The following UBXN7 variants were observed in gnomAD, a reference collection of about 807,000 sequenced individuals.
UBXN7 encodes UBX domain-containing protein 7.
Under a neutral mutation model 58.0 loss-of-function variants are expected in UBXN7, and 9 were observed. The ratio of observed to expected loss-of-function variants is 0.16; its 90% CI spans 0.09 to 0.27. The LOEUF is 0.27. UBXN7 is among the 10% of genes least tolerant of loss of function. The pLI is 1.00. For missense variants in UBXN7, 328 were observed against 599.6 expected (o/e 0.55, Z 4.73); for synonymous variants, 208 against 205.0 (o/e 1.01, Z -0.12).
chr3:196,400,770 C>T (rs1477118426), intron 3 of UBXN7: 1 of 343,832 alleles, frequency 2.9e-6, no homozygotes. Flanking sequence ...TAAAGTGGGG[C>T]TTCCAAATGG....
At position 196,407,397 on chromosome 3, in the gene UBXN7, A is replaced by T; in HGVS notation, c.74-4T>A. On this transcript the variant is annotated splice_polypyrimidine_tract_variant and splice_region_variant and intron_variant, in intron 1 of 10. Transcript: ENST00000296328. ...TTTCCTACACTTTCACTTGCACCTG[A>T]AACAGTAAAAAGACAGGAAAAACGT... 1.2e-6 allele frequency: 2 copies of T among 1,604,060 alleles called. No homozygotes were observed. Among genetic ancestry groups the T allele is most frequent in the South Asian group, 2.3e-5 (2 of 88,186 alleles).
intron 5 of UBXN7, among the ~76,000 whole-genome samples, chr3:196,374,101 C>A (rs1402949891): frequency 2.0e-5 from 3 of 152,054 alleles, no homozygotes; most frequent in Admixed American, 2.0e-4. Context: ...ACTACAGAAA[C>A]AGTATTTGAA....
At chr3:196,395,076 C>T (rs1157165769) in intron 3 of UBXN7, among the ~76,000 whole-genome samples, 2 of 151,946 alleles carry the variant, frequency 1.3e-5, no homozygotes, top group African/African-American at 4.8e-5. Flanking sequence ...TTTCATGATT[C>T]CCTCAATATG....
chr3:196,366,340 G>A (rs1276393707), intron 8 of UBXN7, among the ~76,000 whole-genome samples: 1 of 151,932 alleles, frequency 6.6e-6, no homozygotes, highest in African/African-American at 2.4e-5. Context: ...AACATATTGA[G>A]ACCCTGCCTC....
chr3:196,369,689 C>G (rs1728765615), intron 6 of UBXN7, among the ~76,000 whole-genome samples, 178 bp from the exon 7 acceptor site: 1 of 152,216 alleles, frequency 6.6e-6, no homozygotes, highest in Non-Finnish European at 1.5e-5. Flanking sequence ...CTTCCCACTT[C>G]CAGCACTCTC....
At position 196,356,098 on chromosome 3, in the gene UBXN7, A is replaced by G. The variant is rs1258340297; in HGVS notation, c.*587T>C. ...GAAAATCCTTTGAAAAAGGTTTTTA[A>G]GTATGATGAGCAATCATTACAAGGG... On this transcript the variant is annotated 3_prime_UTR_variant, in exon 11 of 11. Transcript: ENST00000296328. The G allele has an allele frequency of 1.3e-5, 2 of 152,692 alleles. No homozygotes were observed. The highest frequency in any genetic ancestry group is 2.9e-5 in the Non-Finnish European group (2 of 68,062). The allele number at this position is 152,692 out of a possible 1,614,324, so 9.5% of individuals were successfully genotyped here. A position where few individuals can be genotyped will look rare whatever the true frequency, so the allele number is the denominator to read the frequency against.
intron 1 of UBXN7, among the ~76,000 whole-genome samples, chr3:196,418,850 C>G (rs145919969): frequency 6.6e-6 from 1 of 152,168 alleles, no homozygotes; most frequent in Non-Finnish European, 1.5e-5. Context: ...CACTCAGGGT[C>G]CAGAGTTAGA....
chr3:196,393,832 C>A, intron 3 of UBXN7: 1 of 367,364 alleles, frequency 2.7e-6, no homozygotes, highest in Non-Finnish European at 5.1e-6. Flanking sequence ...TGTTTTAAAA[C>A]ACTCAAGATT....
Position 196,348,556 on chromosome 3 carries a change from C to G in UBXN7, c.*8129G>C, listed in dbSNP as rs144947223. The G allele has an allele frequency of 6.6e-6, 1 of 152,176 alleles. No homozygotes were observed. Among genetic ancestry groups the G allele is most frequent in the Admixed American group, 6.5e-5 (1 of 15,272 alleles). The allele number at this position is 152,176 out of a possible 1,614,324, so 9.4% of individuals were successfully genotyped here. On this transcript the variant is annotated 3_prime_UTR_variant, in exon 11 of 11. Transcript: ENST00000296328. Reference sequence around the variant, plus strand: ...ACTTTGTCCAGAATAAGTTGAGCCACAAACATCCCAGGGAATCTCTAAATA... The same window carrying G: ...ACTTTGTCCAGAATAAGTTGAGCCAGAAACATCCCAGGGAATCTCTAAATA...
At chr3:196,424,014 C>A (rs1177196552) in intron 1 of UBXN7, among the ~76,000 whole-genome samples, 1 of 151,500 alleles carries the variant, frequency 6.6e-6, no homozygotes. Context: ...CTCAGCCTCC[C>A]GAGTAGCTGG....
chr3:196,379,858 GA>G lies in UBXN7; in HGVS notation c.469-7817del, dbSNP rs35271771. 8.0e-3 allele frequency among the ~76,000 whole-genome samples: 1,211 copies of G among 152,210 alleles called. 13 individuals are homozygous for G. The highest frequency in any genetic ancestry group is 0.028 in the African/African-American group (1,157 of 41,516). On this transcript the variant is annotated intron_variant, in intron 5 of 10. Transcript: ENST00000296328. ...AGTATTGTCCCTTCTGTGGTCGCCA[GA>G]ATGATGTTACTGGAAAGGGGTCCGG...
chr3:196,364,902 C>T (rs1004112645), intron 8 of UBXN7, among the ~76,000 whole-genome samples: 1 of 151,856 alleles, frequency 6.6e-6, no homozygotes, highest in East Asian at 1.9e-4. Flanking sequence ...AACTTACCAC[C>T]CCTAAAAAGC....
intron 9 of UBXN7, 95 bp downstream of exon 9, chr3:196,362,199 G>A (rs1728524296): frequency 6.9e-7 from 1 of 1,449,340 alleles, no homozygotes; most frequent in Non-Finnish European, 9.3e-7. Context: ...TTGCCATGTT[G>A]GCGAGGCTGG....
intron 6 of UBXN7, among the ~76,000 whole-genome samples, chr3:196,370,127 CAAAAAAAAAA>C (rs368855542): frequency 4.1e-5 from 3 of 73,428 alleles, no homozygotes; most frequent in Admixed American, 1.6e-4. Context: ...AGACTTGTCT[CAAAAAAAAAA>C]AAAAAAAAAA....
At chr3:196,401,768 T>TAA (rs1204342911) in intron 3 of UBXN7, among the ~76,000 whole-genome samples, 2 of 117,512 alleles carry the variant, frequency 1.7e-5, no homozygotes, top group Non-Finnish European at 3.3e-5. Flanking sequence ...ATCTCTATTT[T>TAA]AAAAAAAAAA....
Position 196,404,353 on chromosome 3 carries a change from C to A in UBXN7, c.222-1334G>T, listed in dbSNP as rs1480793296. Reference sequence around the variant, plus strand: ...TCTCGGCTCACTGCAAGCTCCGCCTCCCAGGTTCACGCCATTCTCCTGACT... The same window carrying A: ...TCTCGGCTCACTGCAAGCTCCGCCTACCAGGTTCACGCCATTCTCCTGACT... On this transcript the variant is annotated intron_variant, in intron 2 of 10. Coordinates refer to ENST00000296328, the MANE Select transcript of UBXN7 (RefSeq NM_015562.2). Among the ~76,000 whole-genome samples, 6 of 150,744 alleles carry A rather than the reference C, an allele frequency of 4.0e-5. 1 individual carries two copies. In the East Asian group the frequency reaches 7.8e-4, roughly 20 times the overall value.
At chr3:196,424,616 C>T (rs1195095952) in intron 1 of UBXN7, among the ~76,000 whole-genome samples, 1 of 151,506 alleles carries the variant, frequency 6.6e-6, no homozygotes. Flanking sequence ...GAATTTCTGG[C>T]CTCAAGCAAT....
At chr3:196,400,721 C>T (rs930484893) in intron 3 of UBXN7, 1 of 376,238 alleles carries the variant, frequency 2.7e-6, no homozygotes, top group Non-Finnish European at 5.1e-6. Flanking sequence ...GCCTGGGCAA[C>T]AGACTCCATT....
chr3:196,377,090 A>T (rs1219280106), intron 5 of UBXN7, among the ~76,000 whole-genome samples: 4 of 151,656 alleles, frequency 2.6e-5, no homozygotes, highest in Non-Finnish European at 5.9e-5. Flanking sequence ...AATTGTTCTG[A>T]TTCTTTCTGT....
Sources: gnomAD v4.1 joint callset for allele counts (sites outside exome capture counted in the v4.1 genomes callset) on GRCh38, gnomAD v4.1.1 for gene constraint, MANE v1.5 for transcripts, NCBI Gene and HGNC (gene_info 2026-07-23, HGNC 2026-07-21) for gene names.